SLC60A1: variants seen among roughly 807,000 people sequenced by gnomAD.
The protein encoded by SLC60A1 is solute carrier family 60 member 1, also known as major facilitator superfamily domain containing 4.
the SLC60A1 span, among the ~76,000 whole-genome samples, chr1:205,596,844 A>C: frequency 6.6e-5 from 10 of 152,306 alleles, no homozygotes; most frequent in South Asian, 1.9e-3. Flanking sequence ...GGCTCTTGGC[A>C]TGTCTTACAT....
the SLC60A1 span, among the ~76,000 whole-genome samples, chr1:205,596,211 T>G: frequency 6.6e-6 from 1 of 152,234 alleles, no homozygotes; most frequent in African/African-American, 2.4e-5. Context: ...CAGTGATCTA[T>G]AAGACAAGGC....
At chr1:205,572,132 C>T in the SLC60A1 span, among the ~76,000 whole-genome samples, 1 of 152,122 alleles carries the variant, frequency 6.6e-6, no homozygotes, top group South Asian at 2.1e-4. Flanking sequence ...CTCAGGGCAG[C>T]ACCAGCTTGC....
the SLC60A1 span, among the ~76,000 whole-genome samples, chr1:205,586,459 G>A: frequency 6.6e-6 from 1 of 152,156 alleles, no homozygotes; most frequent in African/African-American, 2.4e-5. Flanking sequence ...AAACATAAAA[G>A]GAAAGGTCTG....
the SLC60A1 span, among the ~76,000 whole-genome samples, chr1:205,583,483 A>C: frequency 6.6e-6 from 1 of 152,206 alleles, no homozygotes; most frequent in Non-Finnish European, 1.5e-5. Flanking sequence ...GCAGTCTCTC[A>C]GTCTCTAGTT....
chr1:205,570,621 C>T, the SLC60A1 span, among the ~76,000 whole-genome samples: 3 of 152,164 alleles, frequency 2.0e-5, no homozygotes, highest in Non-Finnish European at 4.4e-5. Context: ...TTCTTGTAAA[C>T]CAAATTATTC....
the SLC60A1 span, among the ~76,000 whole-genome samples, chr1:205,575,663 G>A: frequency 6.6e-6 from 1 of 152,152 alleles, no homozygotes; most frequent in African/African-American, 2.4e-5. Context: ...ACAGGGGCTG[G>A]GCAGGCAGCT....
chr1:205,591,483 CAAAAA>C, the SLC60A1 span, among the ~76,000 whole-genome samples: 1 of 86,918 alleles, frequency 1.2e-5, no homozygotes, highest in East Asian at 3.4e-4. Context: ...CCCTGTCTCT[CAAAAA>C]AAAAAAAAAA....
At chr1:205,600,194 A>C in the SLC60A1 span, 2 of 519,486 alleles carry the variant, frequency 3.8e-6, no homozygotes. Context: ...CATGGGAGAC[A>C]GACACATTCC....
the SLC60A1 span, chr1:205,600,820 T>C: frequency 6.9e-5 from 14 of 202,436 alleles, no homozygotes; most frequent in Admixed American, 5.9e-4. Context: ...TAAAAATAGG[T>C]TGAAATTGTA....
the SLC60A1 span, among the ~76,000 whole-genome samples, chr1:205,570,770 A>AT: frequency 6.6e-6 from 1 of 152,252 alleles, no homozygotes; most frequent in Non-Finnish European, 1.5e-5. Flanking sequence ...AGAAACTAAG[A>AT]TAAAGTATCT....
chr1:205,585,980 GTC>G, the SLC60A1 span: 5 of 1,515,428 alleles, frequency 3.3e-6, no homozygotes, highest in East Asian at 1.2e-4. This position sits in a 1 kb window ranked among gnomAD's most constrained non-coding sequence, Gnocchi z 4.2. Flanking sequence ...CTTTGTGAGG[GTC>G]ATTGTCTGGC....
chr1:205,572,588 C>T, the SLC60A1 span, among the ~76,000 whole-genome samples: 1 of 152,150 alleles, frequency 6.6e-6, no homozygotes, highest in East Asian at 1.9e-4. Flanking sequence ...TTGCCCAGGC[C>T]ACCCCTAGAT....
the SLC60A1 span, among the ~76,000 whole-genome samples, chr1:205,578,414 C>T: frequency 2.0e-5 from 3 of 152,348 alleles, no homozygotes; most frequent in Non-Finnish European, 1.5e-5. Context: ...CATCTCCTAA[C>T]AGCTGGCCTT....
the SLC60A1 span, chr1:205,599,249 C>G: frequency 3.7e-6 from 6 of 1,613,918 alleles, no homozygotes; most frequent in Non-Finnish European, 4.2e-6. Context: ...GGACTCCCAT[C>G]AGGTAAGGAA....
chr1:205,580,856 C>T, the SLC60A1 span: 2 of 1,614,160 alleles, frequency 1.2e-6, no homozygotes, highest in Non-Finnish European at 1.7e-6. This position sits in a 1 kb window ranked among gnomAD's most constrained non-coding sequence, Gnocchi z 5.0. Flanking sequence ...GTTCCCAGGG[C>T]TGACTCCAAA....
chr1:205,597,798 T>A, the SLC60A1 span: 10 of 1,614,066 alleles, frequency 6.2e-6, no homozygotes, highest in Admixed American at 1.7e-4. Context: ...ACCACAGTGC[T>A]GGTGACAGGG....
the SLC60A1 span, among the ~76,000 whole-genome samples, chr1:205,590,614 C>T: frequency 6.6e-6 from 1 of 152,188 alleles, no homozygotes. Context: ...TTTGATTTTC[C>T]AATTGGAGCA....
the SLC60A1 span, among the ~76,000 whole-genome samples, chr1:205,576,942 C>T: frequency 3.9e-5 from 6 of 152,058 alleles, no homozygotes; most frequent in Non-Finnish European, 8.8e-5. Flanking sequence ...ATTTCCCAGG[C>T]GTGGTTCTCT....
At chr1:205,578,850 C>T in the SLC60A1 span, among the ~76,000 whole-genome samples, 1 of 152,208 alleles carries the variant, frequency 6.6e-6, no homozygotes, top group Non-Finnish European at 1.5e-5. Context: ...CAGAACCTGC[C>T]TGCTGCCCAA....
Sources: gnomAD v4.1 joint callset for allele counts (sites outside exome capture counted in the v4.1 genomes callset) on GRCh38, gnomAD v4.1.1 for gene constraint, Gnocchi (gnomAD v3.1) non-coding constraint, MANE v1.5 for transcripts, NCBI Gene and HGNC (gene_info 2026-07-23, HGNC 2026-07-21) for gene names.